GMDS: variants seen among roughly 807,000 people sequenced by gnomAD.
GMDS encodes the protein GDP-mannose 4,6-dehydratase.
Under a neutral mutation model 49.9 loss-of-function variants are expected in GMDS, and 20 were observed. The observed-to-expected ratio is 0.40, with a 90% CI of 0.28 to 0.58. The LOEUF (loss-of-function observed/expected upper bound fraction) is 0.58. Ranked by LOEUF, GMDS falls within the 20% of genes least tolerant of loss-of-function variation. The pLI is 0.42. For missense variants in GMDS, 362 were observed against 481.4 expected (o/e 0.75, Z 2.32); for synonymous variants, 177 against 178.6 (o/e 0.99, Z 0.07).
At chr6:2,114,957 A>AAACG (rs1326703095) in intron 4 of GMDS, among the ~76,000 whole-genome samples, 1 of 149,278 alleles carries the variant, frequency 6.7e-6, no homozygotes. Flanking sequence ...CAAAACAAAC[A>AAACG]AACAAACAAA....
chr6:1,744,068 T>C (rs2113497279), intron 7 of GMDS, among the ~76,000 whole-genome samples: 1 of 152,340 alleles, frequency 6.6e-6, no homozygotes, highest in East Asian at 1.9e-4. Context: ...TATTTTCTCT[T>C]AGAAAATGCC....
At chr6:1,701,102 T>A (rs1385464894) in intron 9 of GMDS, among the ~76,000 whole-genome samples, 1 of 152,188 alleles carries the variant, frequency 6.6e-6, no homozygotes, top group African/African-American at 2.4e-5. Context: ...TTACAGCGCA[T>A]GCCTTTGCTA....
intron 4 of GMDS, among the ~76,000 whole-genome samples, chr6:2,086,074 C>T (rs2127472214): frequency 6.6e-6 from 1 of 152,316 alleles, no homozygotes; most frequent in African/African-American, 2.4e-5. Context: ...GCTGGGGTTG[C>T]TCTCACTCAC....
chr6:2,110,594 G>C (rs894859924), intron 4 of GMDS, among the ~76,000 whole-genome samples: 1 of 152,114 alleles, frequency 6.6e-6, no homozygotes, highest in Non-Finnish European at 1.5e-5. Context: ...GGAGTGTTCA[G>C]ACTCAACCCC....
At chr6:1,710,006 C>T (rs62388328) in intron 9 of GMDS, among the ~76,000 whole-genome samples, 38,651 of 152,012 alleles carry the variant, frequency 0.25, 5,616 homozygotes, top group African/African-American at 0.4. Context: ...ATATATAAAC[C>T]GATAACATAA....
chr6:2,070,932 C>T (rs569528427), intron 4 of GMDS, among the ~76,000 whole-genome samples: 7 of 152,180 alleles, frequency 4.6e-5, no homozygotes, highest in Admixed American at 3.3e-4. Context: ...TCTGCCACTA[C>T]CACACACCAC....
At chr6:1,701,567 CA>C (rs1328043440) in intron 9 of GMDS, among the ~76,000 whole-genome samples, 1 of 149,262 alleles carries the variant, frequency 6.7e-6, no homozygotes, top group African/African-American at 2.5e-5. Flanking sequence ...GGTGCATATT[CA>C]AAAAAAAAGA....
At chr6:2,043,307 A>C (rs927455503) in intron 4 of GMDS, 1 of 152,240 alleles carries the variant, frequency 6.6e-6, no homozygotes, top group African/African-American at 2.4e-5. Flanking sequence ...CTATTCAAGC[A>C]ATCTTGTAGG....
chr6:1,915,683 C>T (rs1761349348), intron 7 of GMDS, among the ~76,000 whole-genome samples: 3 of 152,296 alleles, frequency 2.0e-5, no homozygotes, highest in East Asian at 3.9e-4. Context: ...AAGGGTCGGC[C>T]GAATGAACGC....
At chr6:1,629,943 G>A (rs568953203) in intron 9 of GMDS, among the ~76,000 whole-genome samples, 25 of 152,284 alleles carry the variant, frequency 1.6e-4, no homozygotes, top group Admixed American at 1.1e-3. Flanking sequence ...AAATGAGAAC[G>A]TGGTCTTCAT....
intron 4 of GMDS, among the ~76,000 whole-genome samples, chr6:2,098,948 TAAAA>T (rs914153412): frequency 6.6e-6 from 1 of 152,140 alleles, no homozygotes; most frequent in African/African-American, 2.4e-5. Context: ...CTTATTCAAG[TAAAA>T]AATTAACAAA....
intron 1 of GMDS, among the ~76,000 whole-genome samples, chr6:2,163,591 T>C (rs750361111): frequency 2.0e-5 from 3 of 152,094 alleles, no homozygotes; most frequent in Non-Finnish European, 4.4e-5. Context: ...CAAAAGGAGA[T>C]AACATTTTAA....
At position 1,946,511 on chromosome 6, in the gene GMDS, TATC is replaced by T. The variant is rs1441717333; in HGVS notation, c.643+13353_643+13355del. Among the ~76,000 whole-genome samples, 5 of 18,332 alleles carry T rather than the reference TATC, an allele frequency of 2.7e-4. No homozygotes were observed. In the East Asian group the frequency reaches 7.4e-3, roughly 27 times the overall value. The allele number at this position is 18,332 out of a possible 152,430, so 12.0% of individuals were successfully genotyped here. ...TAAGTGTTACCTGCTATGCTATCAT[TATC>T]ATTACTAACATCACTAACAGTCCCG... On this transcript the variant is annotated intron_variant, in intron 6 of 10. Coordinates refer to ENST00000380815, the MANE Select transcript of GMDS (RefSeq NM_001500.4).
At chr6:1,875,267 T>C (rs1389039476) in intron 7 of GMDS, among the ~76,000 whole-genome samples, 1 of 152,098 alleles carries the variant, frequency 6.6e-6, no homozygotes, top group Non-Finnish European at 1.5e-5. Flanking sequence ...CATATTTGAA[T>C]AACTCTGATT....
In GMDS at chr6:2,096,748, A is replaced by G. The variant is rs146665406; in HGVS notation, c.345+19023T>C. Among the ~76,000 whole-genome samples the G allele has an allele frequency of 2.6e-3, 398 of 152,306 alleles. 2 individuals carry two copies. The highest frequency in any genetic ancestry group is 9.3e-3 in the African/African-American group (388 of 41,568). ...GTGAAAACCTATTTGACCTATGCCAAAAAGGGAGGTTCTCCATTCAAACAG... is the reference window on the plus strand; with the variant it reads ...GTGAAAACCTATTTGACCTATGCCAGAAAGGGAGGTTCTCCATTCAAACAG... On this transcript the variant is annotated intron_variant, in intron 4 of 10. Transcript: ENST00000380815.
At chr6:1,822,506 C>T (rs1027317529) in intron 7 of GMDS, among the ~76,000 whole-genome samples, 3 of 151,902 alleles carry the variant, frequency 2.0e-5, no homozygotes, top group Non-Finnish European at 2.9e-5. Flanking sequence ...AGAAAGGAAT[C>T]GTGGAAACAA....
intron 9 of GMDS, among the ~76,000 whole-genome samples, chr6:1,650,932 A>C (rs1345994659): frequency 6.6e-6 from 1 of 152,224 alleles, no homozygotes; most frequent in African/African-American, 2.4e-5. Context: ...TAAAGAATAA[A>C]ACAGTCTTGT....
chr6:2,195,532 A>T (rs1259722019), intron 1 of GMDS, among the ~76,000 whole-genome samples: 1 of 152,242 alleles, frequency 6.6e-6, no homozygotes, highest in Non-Finnish European at 1.5e-5. Flanking sequence ...GTAAGTGGAA[A>T]GCTACAAAGC....
intron 1 of GMDS, among the ~76,000 whole-genome samples, chr6:2,152,661 T>C (rs763361420): frequency 1.5e-4 from 23 of 152,122 alleles, no homozygotes; most frequent in Admixed American, 2.6e-4. Context: ...TTCAACATCA[T>C]GAAGAAATCC....
Sources: allele counts gnomAD v4.1 joint callset (sites outside exome capture counted in the v4.1 genomes callset), GRCh38; gene constraint gnomAD v4.1.1; transcripts MANE v1.5; gene names NCBI Gene and HGNC (gene_info 2026-07-23, HGNC 2026-07-21).